Variants in HIVEP1 observed in about 807,000 individuals in gnomAD.
The protein encoded by HIVEP1 is zinc finger protein 40.
Under a neutral mutation model 180.0 loss-of-function variants are expected in HIVEP1, and 36 were observed. The observed-to-expected ratio is 0.20, with a 90% CI of 0.15 to 0.26. The LOEUF (loss-of-function observed/expected upper bound fraction) is 0.26, where lower values mean the gene tolerates loss of function less well. HIVEP1 is among the 10% of genes least tolerant of loss of function. The pLI is 1.00. For missense variants in HIVEP1, 3,143 were observed against 3,268.7 expected (o/e 0.96, Z 0.94); for synonymous variants, 1,239 against 1,239.0 (o/e 1.00, Z 0.00).
intron 3 of HIVEP1, among the ~76,000 whole-genome samples, chr6:12,117,918 C>T (rs947520183): frequency 6.6e-6 from 1 of 152,206 alleles, no homozygotes; most frequent in Non-Finnish European, 1.5e-5. Flanking sequence ...TCATTTTTCA[C>T]TTTGCCTACT....
At chr6:12,202,602 C>T in the HIVEP1 span, among the ~76,000 whole-genome samples, 2 of 152,110 alleles carry the variant, frequency 1.3e-5, no homozygotes, top group Admixed American at 6.5e-5. Context: ...TCTTCCTGTT[C>T]CTTTTCTCTT....
intron 2 of HIVEP1, among the ~76,000 whole-genome samples, chr6:12,016,933 G>A (rs1767796218): frequency 6.6e-6 from 1 of 152,134 alleles, no homozygotes; most frequent in Non-Finnish European, 1.5e-5. Flanking sequence ...TGTCCAGGGA[G>A]GGCACCCTGT....
At chr6:12,093,061 CTAAAT>C (rs770056582) in intron 3 of HIVEP1, among the ~76,000 whole-genome samples, 8 of 152,100 alleles carry the variant, frequency 5.3e-5, no homozygotes, top group Non-Finnish European at 1.2e-4. Flanking sequence ...AAAAAATACT[CTAAAT>C]TAGGTTTGTG....
rs537447626 is a variant in HIVEP1 at position 12,125,709 on chromosome 6, G to A, written c.5914G>A (p.Ala1972Thr). 131 of 1,614,156 alleles carry A rather than the reference G, an allele frequency of 8.1e-5. 1 individual carries two copies. The South Asian group carries it at 1.3e-3, about 15-fold the overall frequency. ...AGCCTATACTGATTGGACAGTAAGCGCCAGTAATCCAAATCCACTCGGTTT... is the reference window on the plus strand; with the variant it reads ...AGCCTATACTGATTGGACAGTAAGCACCAGTAATCCAAATCCACTCGGTTT... ...TSAYTDWTVS[A>T]SNPNPLGLPT... The change falls in exon 4 of 9, where the codon GCC (alanine) becomes ACC (threonine). Residue 1972 changes from alanine (A) to threonine (T), a missense_variant. Coordinates refer to ENST00000379388, the MANE Select transcript of HIVEP1 (RefSeq NM_002114.4).
intron 6 of HIVEP1, among the ~76,000 whole-genome samples, chr6:12,135,119 G>C (rs1401081631): frequency 6.6e-6 from 1 of 152,182 alleles, no homozygotes. Flanking sequence ...AGCATCTGAG[G>C]TTCCTGAAAT....
chr6:12,029,688 A>G (rs922707763), intron 2 of HIVEP1, among the ~76,000 whole-genome samples: 1 of 152,118 alleles, frequency 6.6e-6, no homozygotes, highest in African/African-American at 2.4e-5. Context: ...GGTAAAATAT[A>G]GAAACTTTTC....
intron 7 of HIVEP1, among the ~76,000 whole-genome samples, chr6:12,144,662 C>G (rs1223323921): frequency 1.3e-5 from 2 of 152,016 alleles, no homozygotes; most frequent in African/African-American, 2.4e-5. Context: ...ACAAATAACT[C>G]AAACAAGTTT....
At chr6:12,053,874 C>A (rs189024038) in intron 2 of HIVEP1, among the ~76,000 whole-genome samples, 1 of 152,104 alleles carries the variant, frequency 6.6e-6, no homozygotes, top group African/African-American at 2.4e-5. Context: ...TGGTACATAA[C>A]GTATCTTTTA....
chr6:12,168,774 T>TTAAA (rs1760827675), downstream of HIVEP1, among the ~76,000 whole-genome samples: 2 of 152,164 alleles, frequency 1.3e-5, no homozygotes, highest in African/African-American at 4.8e-5. Flanking sequence ...TTATTTATTT[T>TTAAA]TAAATAAATA....
chr6:12,099,181 G>GA (rs1421902006), intron 3 of HIVEP1, among the ~76,000 whole-genome samples: 1 of 117,626 alleles, frequency 8.5e-6, no homozygotes, highest in African/African-American at 3.2e-5. Context: ...AAATGTCACT[G>GA]AGTTTTTTTT....
downstream of HIVEP1, among the ~76,000 whole-genome samples, chr6:12,168,099 A>G (rs368894320): frequency 3.5e-5 from 1 of 28,416 alleles, no homozygotes; most frequent in Non-Finnish European, 9.0e-5. Flanking sequence ...ATACACATAC[A>G]CGTATATATG....
intron 7 of HIVEP1, among the ~76,000 whole-genome samples, chr6:12,147,987 A>G (rs1759472568): frequency 1.3e-5 from 2 of 152,192 alleles, no homozygotes; most frequent in South Asian, 2.1e-4. Context: ...ACGCTTCTGT[A>G]TATGTTTTAA....
At chr6:12,081,322 C>T (rs1360597788) in intron 2 of HIVEP1, among the ~76,000 whole-genome samples, 1 of 152,156 alleles carries the variant, frequency 6.6e-6, no homozygotes, top group African/African-American at 2.4e-5. Context: ...TGGTTGGCTC[C>T]TGCGTTCCCA....
At chr6:12,173,441 A>G in the HIVEP1 span, among the ~76,000 whole-genome samples, 4 of 152,186 alleles carry the variant, frequency 2.6e-5, no homozygotes, top group African/African-American at 9.7e-5. Flanking sequence ...GATGACAGGA[A>G]CTTGGAAATG....
chr6:12,187,758 A>G, the HIVEP1 span, among the ~76,000 whole-genome samples: 1 of 151,930 alleles, frequency 6.6e-6, no homozygotes, highest in African/African-American at 2.4e-5. Context: ...AGGCCTTGCT[A>G]ATTTTTTTGT....
At chr6:12,014,389 G>T (rs1416136869) in intron 1 of HIVEP1, among the ~76,000 whole-genome samples, 1 of 151,966 alleles carries the variant, frequency 6.6e-6, no homozygotes, top group African/African-American at 2.4e-5. Context: ...TTTTTAATCT[G>T]TAAAATGAAT....
rs1023987435 is a variant in HIVEP1, at chr6:12,121,483, T to C, written c.1688T>C (p.Val563Ala). The change falls in exon 4 of 9, where the codon GTT becomes GCT. Residue 563 changes from valine (V) to alanine (A), a missense_variant. Val to Ala is a moderately conservative substitution (Grantham distance 64). Coordinates refer to ENST00000379388, the MANE Select transcript of HIVEP1 (RefSeq NM_002114.4). This position sits in a 1 kb window ranked among gnomAD's most constrained non-coding sequence, Gnocchi z 5.3. ...CAAGCTGTGACAGAGTTACCGAAAG[T>C]TGTGGTCCACCATGTCACTGTGTCC... ...ESQAVTELPK[V>A]VVHHVTVSPL... 6.2e-7 allele frequency: 1 copy of C among 1,614,212 alleles called. No homozygotes were observed. Among genetic ancestry groups the C allele is most frequent in the Admixed American group, 1.7e-5 (1 of 60,020 alleles).
chr6:12,190,298 C>G, the HIVEP1 span, among the ~76,000 whole-genome samples: 1 of 152,156 alleles, frequency 6.6e-6, no homozygotes. Flanking sequence ...GTTGAATAAG[C>G]GGGTAGAAAC....
At chr6:12,093,408 T>G (rs1357819425) in intron 3 of HIVEP1, among the ~76,000 whole-genome samples, 5 of 151,570 alleles carry the variant, frequency 3.3e-5, no homozygotes, top group Admixed American at 1.3e-4. Context: ...ATTTTGTGAT[T>G]CATTTTTTTG....
Sources: gnomAD v4.1 joint callset for allele counts (sites outside exome capture counted in the v4.1 genomes callset) on GRCh38, gnomAD v4.1.1 for gene constraint, Gnocchi (gnomAD v3.1) non-coding constraint, MANE v1.5 for transcripts, NCBI Gene and HGNC (gene_info 2026-07-23, HGNC 2026-07-21) for gene names.